The following SVOPL variants were observed in gnomAD, a reference collection of about 807,000 sequenced individuals.
SVOPL encodes the protein SVOP like, also known as putative transporter SVOPL.
SVOPL carries 60 observed loss-of-function variants against 61.0 expected under a neutral mutation model. The observed-to-expected ratio is 0.98, with a 90% CI of 0.80 to 1.22. The LOEUF (loss-of-function observed/expected upper bound fraction) is 1.22, where lower values mean the gene tolerates loss of function less well. Among genes scored for constraint, SVOPL ranks in the 50% most tolerant of loss-of-function variants. The probability of loss-of-function intolerance (pLI) is 0.00; values close to 1 mark genes in which losing one functional copy is unlikely to be tolerated. For synonymous variants in SVOPL, 279 were observed against 250.0 expected (o/e 1.12, Z -1.09); for missense variants, 662 against 643.9 (o/e 1.03, Z -0.30).
At chr7:138,682,974 AAAAAAAAAG>A (rs1802731170) in intron 1 of SVOPL, among the ~76,000 whole-genome samples, 1 of 151,088 alleles carries the variant, frequency 6.6e-6, no homozygotes, top group South Asian at 2.1e-4. Flanking sequence ...ATCTCAAAAA[AAAAAAAAAG>A]AAAAAAAAAA....
In SVOPL at chr7:138,689,089, AG is replaced by A. The variant is rs372391095; in HGVS notation, c.-34-10011del. Reference sequence around the variant, plus strand: ...ACTCATGACACTTCCCAGGTCATCAAGGGTATGCATATATGAAAAGCCACGA... The same window carrying A: ...ACTCATGACACTTCCCAGGTCATCAAGGTATGCATATATGAAAAGCCACGA... On this transcript the variant is annotated intron_variant, in intron 1 of 15. Transcript: ENST00000674285. 2.7e-4 allele frequency: 200 copies of A among 745,304 alleles called. 1 individual carries two copies. The African/African-American group carries it at 3.3e-3, about 12-fold the overall frequency. 46.2% of individuals were successfully genotyped at this position (745,304 alleles called of 1,614,324 possible).
chr7:138,691,722 G>C (rs994894713), intron 1 of SVOPL, among the ~76,000 whole-genome samples: 1 of 151,930 alleles, frequency 6.6e-6, no homozygotes, highest in Non-Finnish European at 1.5e-5. Flanking sequence ...TGTATTTTTA[G>C]TAGAGACGGG....
chr7:138,597,307 A>G, intron 14 of SVOPL: 1 of 1,122,628 alleles, frequency 8.9e-7, no homozygotes, highest in Non-Finnish European at 1.2e-6. Context: ...ATCTGGCTGA[A>G]TACAATTTCT....
At chr7:138,595,368 G>A (rs969277699) in intron 15 of SVOPL, among the ~76,000 whole-genome samples, 2 of 152,098 alleles carry the variant, frequency 1.3e-5, no homozygotes, top group South Asian at 2.1e-4. Flanking sequence ...AAGACATGTA[G>A]CCAGTTAGCC....
chr7:138,630,804 A>G (rs1412220412), intron 9 of SVOPL, among the ~76,000 whole-genome samples: 1 of 152,084 alleles, frequency 6.6e-6, no homozygotes, highest in Non-Finnish European at 1.5e-5. Context: ...TTAGCCGGAC[A>G]TGGTGGAGCA....
chr7:138,672,931 A>C (rs1802467047), intron 3 of SVOPL, among the ~76,000 whole-genome samples: 1 of 150,040 alleles, frequency 6.7e-6, no homozygotes, highest in African/African-American at 2.4e-5. Context: ...AAAGAAGGAG[A>C]TGCTAGAAAA....
chr7:138,596,209 A>ATT (rs1189901086), intron 15 of SVOPL, among the ~76,000 whole-genome samples: 8 of 147,004 alleles, frequency 5.4e-5, no homozygotes, highest in African/African-American at 2.0e-4. Flanking sequence ...AAAAAAAAAG[A>ATT]AAGAAAAGTG....
intron 13 of SVOPL, among the ~76,000 whole-genome samples, chr7:138,622,202 GTATCTATCTATCTA>G (rs1799674710): frequency 1.7e-5 from 1 of 59,392 alleles, no homozygotes; most frequent in African/African-American, 6.4e-5. Context: ...ATCTATCTAT[GTATCTATCTATCTA>G]TCTATGTATC....
At chr7:138,641,413 G>A (rs1027649606) in intron 9 of SVOPL, among the ~76,000 whole-genome samples, 4 of 152,022 alleles carry the variant, frequency 2.6e-5, no homozygotes. Flanking sequence ...CCTCACGCCT[G>A]TAATCCCAGC....
rs573610446 is a variant in SVOPL, at chr7:138,658,971, T to G, written c.470+893A>C. On this transcript the variant is annotated intron_variant, in intron 6 of 15. Transcript: ENST00000674285. Reference sequence around the variant, plus strand: ...TCTAAAATTTAACCTGAAAGACTGGTTCAGGCCACGACAGGAAGTGGGGTC... The same window carrying G: ...TCTAAAATTTAACCTGAAAGACTGGGTCAGGCCACGACAGGAAGTGGGGTC... 3.3e-4 allele frequency among the ~76,000 whole-genome samples: 49 copies of G among 148,260 alleles called. No homozygotes were observed. In the South Asian group the frequency reaches 0.011, roughly 33 times the overall value.
In SVOPL at chr7:138,679,180, C is replaced by T. The variant is rs1335130291; in HGVS notation, c.-34-101G>A. 9.1e-6 allele frequency: 7 copies of T among 768,786 alleles called. 1 individual carries two copies. Among genetic ancestry groups the T allele is most frequent in the South Asian group, 3.7e-5 (2 of 53,692 alleles). 47.6% of individuals were successfully genotyped at this position (768,786 alleles called of 1,614,324 possible). ...CACACAAAATTTCCTGAAGCCCTCA[C>T]AAAAATCGAATGAGGTATGTATTTT... On this transcript the variant is annotated intron_variant, in intron 1 of 15. Coordinates refer to ENST00000674285, the MANE Select transcript of SVOPL (RefSeq NM_001139456.2).
chr7:138,677,330 C>T (rs1366973865), intron 3 of SVOPL, among the ~76,000 whole-genome samples: 1 of 152,102 alleles, frequency 6.6e-6, no homozygotes, highest in African/African-American at 2.4e-5. Context: ...GAGGCCTAAG[C>T]TCTGATTGTT....
At chr7:138,658,996 C>G (rs576019329) in intron 6 of SVOPL, among the ~76,000 whole-genome samples, 33 of 151,068 alleles carry the variant, frequency 2.2e-4, no homozygotes, top group African/African-American at 7.3e-4. Flanking sequence ...GAAGTGGGGT[C>G]GGACATGCCT....
intron 7 of SVOPL, among the ~76,000 whole-genome samples, chr7:138,651,644 T>G (rs1801439019): frequency 6.6e-6 from 1 of 152,174 alleles, no homozygotes; most frequent in South Asian, 2.1e-4. Context: ...GTTATGGTAG[T>G]CTGTGACCCA....
chr7:138,594,737 G>A (rs1243669026), intron 15 of SVOPL, 116 bp from the exon 16 acceptor site: 5 of 669,654 alleles, frequency 7.5e-6, no homozygotes, highest in African/African-American at 7.4e-5. Context: ...ATTATTAGGA[G>A]GGAAAATCCT....
chr7:138,605,053 A>G (rs1249318088), intron 14 of SVOPL, among the ~76,000 whole-genome samples: 1 of 151,922 alleles, frequency 6.6e-6, no homozygotes, highest in East Asian at 1.9e-4. Context: ...TGAGCTCTAA[A>G]AAAGAGAAAA....
chr7:138,611,876 C>A (rs1174753762), intron 14 of SVOPL, among the ~76,000 whole-genome samples: 10 of 77,580 alleles, frequency 1.3e-4, no homozygotes, highest in East Asian at 3.6e-4. Context: ...TGCCCGGCCG[C>A]CACCCCGTCT....
intron 9 of SVOPL, among the ~76,000 whole-genome samples, chr7:138,636,419 C>A (rs1248039648): frequency 6.6e-6 from 1 of 151,372 alleles, no homozygotes; most frequent in Non-Finnish European, 1.5e-5. Flanking sequence ...GATACTGATT[C>A]TCTCTACATT....
intron 4 of SVOPL, among the ~76,000 whole-genome samples, chr7:138,665,811 C>G (rs949747873): frequency 5.3e-5 from 8 of 152,196 alleles, no homozygotes; most frequent in Admixed American, 2.6e-4. Context: ...TAACGCTTTT[C>G]TGAAAGCCAT....
Sources: gnomAD v4.1 joint callset for allele counts (sites outside exome capture counted in the v4.1 genomes callset) on GRCh38, gnomAD v4.1.1 for gene constraint, MANE v1.5 for transcripts, NCBI Gene and HGNC (gene_info 2026-07-23, HGNC 2026-07-21) for gene names.